The following CACNA1E variants were observed in gnomAD, a reference collection of about 807,000 sequenced individuals.
CACNA1E encodes voltage-dependent R-type calcium channel subunit alpha-1E.
In CACNA1E, 40 loss-of-function variants were observed where a neutral mutation model predicts 259.2. The ratio of observed to expected loss-of-function variants is 0.15; its 90% CI spans 0.12 to 0.20. CACNA1E has a LOEUF of 0.20. CACNA1E is among the 10% of genes least tolerant of loss of function. The pLI is 1.00. For missense variants in CACNA1E, 1,874 were observed against 3,040.1 expected, an observed-to-expected ratio of 0.62 and a Z score of 9.02; for synonymous variants, 1,104 against 1,138.5, an observed-to-expected ratio of 0.97 and a Z score of 0.61.
At chr1:181,342,783 C>T (rs1223295395) in intron 1 of CACNA1E, among the ~76,000 whole-genome samples, 1 of 152,184 alleles carries the variant, frequency 6.6e-6, no homozygotes, top group Admixed American at 6.5e-5. Context: ...ATAGAGAACA[C>T]AAAGTGGGCT....
chr1:181,393,399 G>T (rs1052892919), intron 1 of CACNA1E, among the ~76,000 whole-genome samples: 1 of 152,174 alleles, frequency 6.6e-6, no homozygotes, highest in Non-Finnish European at 1.5e-5. Context: ...ACCATTAGTT[G>T]TCTTTTATGT....
intron 32 of CACNA1E, among the ~76,000 whole-genome samples, chr1:181,759,643 C>G (rs973612164): frequency 2.0e-5 from 3 of 152,218 alleles, no homozygotes; most frequent in African/African-American, 4.8e-5. Context: ...CACCCTCCCC[C>G]CAACCTGCTT....
In CACNA1E at chr1:181,716,036, G is replaced by A. The variant is rs747233333; in HGVS notation, c.1226-4G>A. 6 of 1,560,412 alleles carry A rather than the reference G, an allele frequency of 3.8e-6. No homozygotes were observed. Among genetic ancestry groups the A allele is most frequent in the Non-Finnish European group, 5.2e-6 (6 of 1,151,194 alleles). ...CTCACTGGTCTTCCCTTTCCCTGATGCAGTGCTTCGAAGGGCAACCATCAA... is the reference window on the plus strand; with the variant it reads ...CTCACTGGTCTTCCCTTTCCCTGATACAGTGCTTCGAAGGGCAACCATCAA... On this transcript the variant is annotated splice_polypyrimidine_tract_variant and splice_region_variant and intron_variant, in intron 9 of 47. Transcript: ENST00000367573.
chr1:181,520,062 C>T (rs1666875154), intron 3 of CACNA1E, among the ~76,000 whole-genome samples: 1 of 152,156 alleles, frequency 6.6e-6, no homozygotes, highest in South Asian at 2.1e-4. Flanking sequence ...AATGACAGCT[C>T]CCATTTAACC....
At chr1:181,333,407 A>G (rs1390648874) in intron 1 of CACNA1E, among the ~76,000 whole-genome samples, 1 of 152,192 alleles carries the variant, frequency 6.6e-6, no homozygotes, top group Non-Finnish European at 1.5e-5. Flanking sequence ...GACAGTAAAT[A>G]TTTTAGTCTG....
At chr1:181,549,890 G>A (rs1402955139) in intron 3 of CACNA1E, among the ~76,000 whole-genome samples, 5 of 152,208 alleles carry the variant, frequency 3.3e-5, no homozygotes, top group African/African-American at 1.2e-4. Context: ...CTCTAGGTCT[G>A]TGTACTGCGG....
At position 181,684,994 on chromosome 1, in the gene CACNA1E, A is replaced by G. The variant is rs1650370423; in HGVS notation, c.1056-25960A>G. On this transcript the variant is annotated intron_variant, in intron 7 of 47. Coordinates refer to ENST00000367573, the MANE Select transcript of CACNA1E (RefSeq NM_001205293.3). ...TACATATGGCTTTGGGGGGCTTAAT[A>G]TATTGTAAAGACTGAGTTACTCTTG... Among the ~76,000 whole-genome samples, 3 of 150,892 alleles carry G rather than the reference A, an allele frequency of 2.0e-5. No homozygotes were observed. In the South Asian group the frequency reaches 6.3e-4, roughly 31 times the overall value.
chr1:181,734,142 A>C (rs1655802823), intron 21 of CACNA1E, among the ~76,000 whole-genome samples: 1 of 152,150 alleles, frequency 6.6e-6, no homozygotes, highest in Non-Finnish European at 1.5e-5. Context: ...GGCTCTGCTC[A>C]CTGAGTGATC....
At chr1:181,502,675 G>GTTTTTGCTTGCTTGTTCTT (rs1421599666) in intron 1 of CACNA1E, among the ~76,000 whole-genome samples, 1 of 152,156 alleles carries the variant, frequency 6.6e-6, no homozygotes, top group Non-Finnish European at 1.5e-5. Context: ...GGCCAGGGCT[G>GTTTTTGCTTGCTTGTTCTT]TTTTTGCTTG....
chr1:181,778,245 A>C (rs1660130084), intron 38 of CACNA1E, among the ~76,000 whole-genome samples: 1 of 152,222 alleles, frequency 6.6e-6, no homozygotes, highest in African/African-American at 2.4e-5. Context: ...AACCAGTTGC[A>C]AAAAATGTCA....
chr1:181,564,360 A>AT (rs1395182840), intron 3 of CACNA1E, among the ~76,000 whole-genome samples: 1 of 152,190 alleles, frequency 6.6e-6, no homozygotes, highest in Non-Finnish European at 1.5e-5. Flanking sequence ...TCAGGAGTAG[A>AT]TTTTACCTCA....
chr1:181,347,280 A>G (rs976840323), intron 1 of CACNA1E, among the ~76,000 whole-genome samples: 2 of 152,176 alleles, frequency 1.3e-5, no homozygotes, highest in African/African-American at 4.8e-5. Context: ...TCTGTAAAGC[A>G]TGACTGTTCA....
intron 2 of CACNA1E, 25 bp downstream of exon 2, chr1:181,510,607 C>G (rs770212929): frequency 7.0e-7 from 1 of 1,437,058 alleles, no homozygotes; most frequent in Admixed American, 1.7e-5. Context: ...TCCTTCTCCC[C>G]TTTGCCCCTT....
At chr1:181,418,266 A>T (rs1476767991) in intron 2 of CACNA1E, among the ~76,000 whole-genome samples, 1 of 152,138 alleles carries the variant, frequency 6.6e-6, no homozygotes, top group African/African-American at 2.4e-5. Flanking sequence ...CTGAGCTAGG[A>T]GTACAGGTGA....
chr1:181,530,755 C>T (rs1251727626), intron 3 of CACNA1E, among the ~76,000 whole-genome samples: 1 of 152,160 alleles, frequency 6.6e-6, no homozygotes, highest in East Asian at 1.9e-4. Context: ...ATGAGGGGCA[C>T]CATATGCAGT....
chr1:181,579,345 CA>C, intron 5 of CACNA1E, 121 bp downstream of exon 5: 1 of 801,012 alleles, frequency 1.2e-6, no homozygotes, highest in Admixed American at 2.6e-5. Flanking sequence ...GAATTAGAAT[CA>C]GAAGCTTCTA....
chr1:181,552,463 C>G (rs1648274218), intron 3 of CACNA1E, among the ~76,000 whole-genome samples: 1 of 151,696 alleles, frequency 6.6e-6, no homozygotes, highest in Non-Finnish European at 1.5e-5. Context: ...GTTTTTATAT[C>G]CAACTATCTA....
At chr1:181,574,685 G>A (rs941273360) in intron 3 of CACNA1E, among the ~76,000 whole-genome samples, 5 of 152,140 alleles carry the variant, frequency 3.3e-5, no homozygotes, top group African/African-American at 9.7e-5. Context: ...GACACGTTAT[G>A]GGAGCACAGA....
chr1:181,751,862 T>C (rs1292889190), intron 26 of CACNA1E: 6 of 570,822 alleles, frequency 1.1e-5, no homozygotes, highest in South Asian at 9.4e-5. Context: ...CATGGATGCC[T>C]CTGTGTGCCT....
Sources: allele counts gnomAD v4.1 joint callset (sites outside exome capture counted in the v4.1 genomes callset), GRCh38; gene constraint gnomAD v4.1.1; transcripts MANE v1.5; gene names NCBI Gene and HGNC (gene_info 2026-07-23, HGNC 2026-07-21).